SUSD4: variants seen among roughly 807,000 people sequenced by gnomAD.
SUSD4 encodes the protein sushi domain containing 4.
SUSD4 carries 41 observed loss-of-function variants against 50.5 expected under a neutral mutation model. The observed-to-expected ratio is 0.81, with a 90% CI of 0.63 to 1.05. The LOEUF (loss-of-function observed/expected upper bound fraction) is 1.05. Among genes scored for constraint, SUSD4 ranks in the 50% least tolerant of loss-of-function variants. SUSD4 has a pLI of 0.00. For synonymous variants in SUSD4, 257 were observed against 257.3 expected (o/e 1.00, Z 0.01); for missense variants, 580 against 634.7 (o/e 0.91, Z 0.93).
intron 3 of SUSD4, among the ~76,000 whole-genome samples, chr1:223,275,934 A>G (rs1663231476): frequency 6.6e-6 from 1 of 152,218 alleles, no homozygotes; most frequent in Non-Finnish European, 1.5e-5. Context: ...ACCAAGGCAC[A>G]CCGAGGCCTC....
rs2103000152 is a variant in SUSD4, at chr1:223,229,637, G to C, written c.725-249C>G. On this transcript the variant is annotated intron_variant, in intron 5 of 8. Coordinates refer to ENST00000366878, the MANE Select transcript of SUSD4 (RefSeq NM_017982.4). This position sits in a 1 kb window ranked among gnomAD's most constrained non-coding sequence, Gnocchi z 4.7. ...TTGTGAAGTACATCGTAAAAGAGAGGTTCGTTTTACAATGCAAAGAGTATG... is the reference window on the plus strand; with the variant it reads ...TTGTGAAGTACATCGTAAAAGAGAGCTTCGTTTTACAATGCAAAGAGTATG... 6.6e-6 allele frequency among the ~76,000 whole-genome samples: 1 copy of C among 152,300 alleles called. No individual in the cohort carries two copies. Among genetic ancestry groups the C allele is most frequent in the South Asian group, 2.1e-4 (1 of 4,830 alleles).
chr1:223,293,820 C>T lies in SUSD4; in HGVS notation c.149-1169G>A, dbSNP rs74976455. ...GGGAGGGTCTGCTGTGTACATAATG[C>T]TCCTAATATGTCCTTACTCTAAATG... is the stretch of plus-strand genomic sequence containing the variant. On this transcript the variant is annotated intron_variant, in intron 2 of 8. Transcript: ENST00000366878. Among the ~76,000 whole-genome samples the T allele has an allele frequency of 2.6e-5, 4 of 152,184 alleles. No homozygotes were observed. The East Asian group carries it at 5.8e-4, about 22-fold the overall frequency.
chr1:223,221,669 C>T lies in SUSD4; in HGVS notation c.*523G>A, dbSNP rs1571811618. 6.5e-6 allele frequency: 1 copy of T among 154,330 alleles called. No individual in the cohort carries two copies. Among genetic ancestry groups the T allele is most frequent in the East Asian group, 1.9e-4 (1 of 5,238 alleles). 9.6% of individuals were successfully genotyped at this position (154,330 alleles called of 1,614,324 possible). On this transcript the variant is annotated 3_prime_UTR_variant, in exon 9 of 9. Coordinates refer to ENST00000366878, the MANE Select transcript of SUSD4 (RefSeq NM_017982.4). ...TCCAAATGTCACACAAGGACCTTTC[C>T]TTTGGGAGCTGGTCCCTTGCTGAGG...
chr1:223,245,366 C>T (rs553827195), intron 5 of SUSD4, among the ~76,000 whole-genome samples: 2 of 151,880 alleles, frequency 1.3e-5, no homozygotes, highest in African/African-American at 4.8e-5. Flanking sequence ...TAAATGCATA[C>T]AGGAATGCAC....
Position 223,363,560 on chromosome 1 carries a change from G to C in SUSD4, c.-35-100C>G, listed in dbSNP as rs1669132612. 4 of 1,318,148 alleles carry C rather than the reference G, an allele frequency of 3.0e-6. No individual in the cohort carries two copies. The Admixed American group carries it at 9.0e-5, about 30-fold the overall frequency. 81.7% of individuals were successfully genotyped at this position (1,318,148 alleles called of 1,614,324 possible). ...TGGGACCCGGCGCCTCGGCTTCCCA[G>C]GCTCCATCCTGGTTCCTCCCCCGCG... On this transcript the variant is annotated intron_variant, in intron 1 of 8. Transcript: ENST00000366878.
chr1:223,262,829 A>G (rs1353555843), intron 5 of SUSD4, among the ~76,000 whole-genome samples: 1 of 152,216 alleles, frequency 6.6e-6, no homozygotes, highest in East Asian at 1.9e-4. Flanking sequence ...AAAGACGCTA[A>G]GTGGCCTTCC....
At chr1:223,360,468 C>G (rs978188106) in intron 2 of SUSD4, among the ~76,000 whole-genome samples, 28 of 152,198 alleles carry the variant, frequency 1.8e-4, no homozygotes, top group African/African-American at 6.5e-4. Flanking sequence ...CGACAAAAGA[C>G]AACCTGGAGA....
intron 5 of SUSD4, among the ~76,000 whole-genome samples, chr1:223,233,082 G>C (rs1435246707): frequency 6.6e-6 from 1 of 152,206 alleles, no homozygotes; most frequent in Non-Finnish European, 1.5e-5. Flanking sequence ...GATTGCACCA[G>C]GGAAGCCCCA....
intron 5 of SUSD4, among the ~76,000 whole-genome samples, chr1:223,257,972 G>A (rs1010885023): frequency 2.0e-5 from 3 of 152,158 alleles, no homozygotes; most frequent in South Asian, 2.1e-4. Flanking sequence ...TTTGTAAAAC[G>A]GGAGCAGCCT....
intron 3 of SUSD4, among the ~76,000 whole-genome samples, chr1:223,289,897 G>A (rs1485183438): frequency 6.6e-6 from 1 of 152,152 alleles, no homozygotes; most frequent in Non-Finnish European, 1.5e-5. Context: ...GAAAAACAAT[G>A]CTGTTGTAGG....
intron 3 of SUSD4, among the ~76,000 whole-genome samples, chr1:223,292,142 C>T (rs914527868): frequency 1.3e-5 from 2 of 152,196 alleles, no homozygotes; most frequent in East Asian, 3.9e-4. Flanking sequence ...GCTGAGTTGG[C>T]AGCCTAATAA....
At chr1:223,305,019 A>G (rs1665447599) in intron 2 of SUSD4, among the ~76,000 whole-genome samples, 1 of 151,636 alleles carries the variant, frequency 6.6e-6, no homozygotes, top group South Asian at 2.1e-4. Context: ...GATGATTTTG[A>G]TGATGACAAT....
At chr1:223,322,343 A>G (rs1404431697) in intron 2 of SUSD4, among the ~76,000 whole-genome samples, 1 of 152,214 alleles carries the variant, frequency 6.6e-6, no homozygotes. Context: ...AGACCTCTTG[A>G]ATTCTGTTGA....
chr1:223,347,673 T>G (rs1403663143), intron 2 of SUSD4, among the ~76,000 whole-genome samples: 1 of 152,030 alleles, frequency 6.6e-6, no homozygotes, highest in Non-Finnish European at 1.5e-5. Flanking sequence ...TCCGAAGTAC[T>G]TGGTAACTTA....
chr1:223,264,717 C>G lies in SUSD4; in HGVS notation c.637G>C (p.Gly213Arg). Residue 213 changes from glycine to arginine, a missense_variant, in exon 5 of 9, where the codon GGA (glycine) becomes CGA (arginine). By Grantham distance (125) the Gly-to-Arg change is moderately radical. Transcript: ENST00000366878. ...GTVISYRCFP[G>R]FKLDGSAYLE... ...TACGCAGACCCATCAAGTTTAAATC[C>G]GGGAAAGCAGCGATAGGAGATCACA... 6.2e-7 allele frequency: 1 copy of G among 1,614,100 alleles called. No homozygotes were observed. Among genetic ancestry groups the G allele is most frequent in the Non-Finnish European group, 8.5e-7 (1 of 1,180,026 alleles).
upstream of SUSD4, among the ~76,000 whole-genome samples, chr1:223,365,142 G>A (rs1669244118): frequency 6.6e-6 from 1 of 152,130 alleles, no homozygotes; most frequent in African/African-American, 2.4e-5. Flanking sequence ...GGAAGCCAAG[G>A]GGGTCGGTGG....
intron 5 of SUSD4, among the ~76,000 whole-genome samples, chr1:223,242,261 T>C (rs1044364097): frequency 1.3e-5 from 2 of 152,138 alleles, no homozygotes; most frequent in African/African-American, 2.4e-5. Context: ...ACTTCTTTCT[T>C]AATATTATGC....
chr1:223,322,015 G>A (rs1341290), intron 2 of SUSD4, among the ~76,000 whole-genome samples: 80,552 of 152,034 alleles, frequency 0.53, 21,353 homozygotes, highest in African/African-American at 0.55. Flanking sequence ...CCAAAACCCA[G>A]AACACTCCAA....
chr1:223,234,781 C>T, intron 5 of SUSD4: 1 of 783,956 alleles, frequency 1.3e-6, no homozygotes, highest in East Asian at 3.3e-5. Context: ...GCCAGTCCCA[C>T]CTCTGAGATA....
Sources: gnomAD v4.1 joint callset for allele counts (sites outside exome capture counted in the v4.1 genomes callset) on GRCh38, gnomAD v4.1.1 for gene constraint, Gnocchi (gnomAD v3.1) non-coding constraint, MANE v1.5 for transcripts, NCBI Gene and HGNC (gene_info 2026-07-23, HGNC 2026-07-21) for gene names.